CDH4: variants seen among roughly 807,000 people sequenced by gnomAD.
CDH4 encodes cadherin-4.
A neutral mutation model predicts 86.0 loss-of-function variants in CDH4; 33 were observed. That is an observed-to-expected ratio of 0.38 (90% CI 0.29 to 0.51). The LOEUF (loss-of-function observed/expected upper bound fraction) is 0.51. Ranked by LOEUF, CDH4 falls within the 20% of genes least tolerant of loss-of-function variation. CDH4 has a pLI of 0.86. For missense variants in CDH4, 1,114 were observed against 1,307.4 expected (o/e 0.85, Z 2.28); for synonymous variants, 555 against 549.4 (o/e 1.01, Z -0.14).
intron 2 of CDH4, chr20:61,499,308 G>C (rs1447759882): frequency 2.2e-6 from 1 of 458,426 alleles, no homozygotes; most frequent in Non-Finnish European, 3.9e-6. Context: ...GCTCACTCTG[G>C]CCAGGTACTT....
At chr20:61,585,997 A>ATTGTGATGGTGATGGTGATTG (rs72148665) in intron 2 of CDH4, among the ~76,000 whole-genome samples, 49 of 136,922 alleles carry the variant, frequency 3.6e-4, no homozygotes, top group African/African-American at 1.3e-3. Flanking sequence ...GGTGATGATG[A>ATTGTGATGGTGATGGTGATTG]TGATGGTGAT....
At chr20:61,911,113 A>T (rs1054374796) in intron 9 of CDH4, among the ~76,000 whole-genome samples, 1 of 152,214 alleles carries the variant, frequency 6.6e-6, no homozygotes, top group African/African-American at 2.4e-5. Context: ...GACAGGTCTT[A>T]TGATGCTGTA....
intron 4 of CDH4, among the ~76,000 whole-genome samples, chr20:61,825,300 T>G (rs1981257495): frequency 1.3e-5 from 2 of 152,082 alleles, no homozygotes; most frequent in Non-Finnish European, 2.9e-5. Flanking sequence ...TTCCAGCTGC[T>G]TAGGAAGCTG....
chr20:61,720,766 TG>T (rs2088031365), intron 2 of CDH4, among the ~76,000 whole-genome samples: 1 of 152,044 alleles, frequency 6.6e-6, no homozygotes, highest in Non-Finnish European at 1.5e-5. Flanking sequence ...CTCTAAAAGC[TG>T]GGGATTGTAG....
rs1288305127 is a variant in CDH4 at position 61,773,038 on chromosome 20, C to T, written c.432C>T (p.Pro144=). 1 of 1,613,686 alleles carries T rather than the reference C, an allele frequency of 6.2e-7. No homozygotes were observed. ...GAAAGAAGGTCGTGGCTCTGGACCC[C>T]TCTCCGCCTCCGAAGGACACCCTGC... The part of the protein sequence containing the change: ...QKGKKVVALD[P]SPPPKDTLLP... The change falls in exon 4 of 16, where the codon CCC becomes CCT. Residue 144 remains proline (P), a synonymous_variant. Coordinates refer to ENST00000614565, the MANE Select transcript of CDH4 (RefSeq NM_001794.5).
chr20:61,700,699 C>T (rs1179071361), intron 2 of CDH4, among the ~76,000 whole-genome samples: 1 of 152,054 alleles, frequency 6.6e-6, no homozygotes, highest in East Asian at 1.9e-4. Flanking sequence ...TGGGGCCACA[C>T]ATCACCCTAT....
At chr20:61,524,074 C>T (rs2085892794) in intron 2 of CDH4, among the ~76,000 whole-genome samples, 1 of 152,204 alleles carries the variant, frequency 6.6e-6, no homozygotes, top group Admixed American at 6.5e-5. Flanking sequence ...TGTCTCTAAA[C>T]ATTTACCTGG....
intron 2 of CDH4, among the ~76,000 whole-genome samples, chr20:61,539,012 G>A (rs1256779478): frequency 6.6e-6 from 1 of 152,172 alleles, no homozygotes; most frequent in East Asian, 1.9e-4. Flanking sequence ...TCTGCCGCTG[G>A]AGGCAGGGGA....
At chr20:61,905,466 T>C (rs1398720955) in intron 8 of CDH4, among the ~76,000 whole-genome samples, 2 of 152,092 alleles carry the variant, frequency 1.3e-5, no homozygotes, top group South Asian at 2.1e-4. Context: ...CACCTGGCCA[T>C]GTAAGCAGAG....
intron 6 of CDH4, among the ~76,000 whole-genome samples, 182 bp downstream of exon 6, chr20:61,853,080 C>A (rs778530846): frequency 6.6e-6 from 1 of 152,168 alleles, no homozygotes; most frequent in Non-Finnish European, 1.5e-5. Context: ...GCCTTGGGGT[C>A]AAGGGGGTTG....
At chr20:61,387,198 A>G (rs2145458944) in intron 2 of CDH4, among the ~76,000 whole-genome samples, 1 of 152,190 alleles carries the variant, frequency 6.6e-6, no homozygotes, top group East Asian at 1.9e-4. Flanking sequence ...ACACACACAC[A>G]CAAACCCACA....
intron 3 of CDH4, among the ~76,000 whole-genome samples, chr20:61,745,864 T>C (rs1322539598): frequency 6.6e-6 from 1 of 152,134 alleles, no homozygotes; most frequent in Non-Finnish European, 1.5e-5. Context: ...TAATTGAAAA[T>C]ATAATGACAC....
intron 4 of CDH4, among the ~76,000 whole-genome samples, 193 bp downstream of exon 4, chr20:61,773,375 G>C (rs948587797): frequency 2.6e-5 from 4 of 152,222 alleles, no homozygotes; most frequent in African/African-American, 9.6e-5. Context: ...CCTCCGCGGT[G>C]GATGGGCCTT....
intron 7 of CDH4, among the ~76,000 whole-genome samples, chr20:61,880,927 A>G (rs1034231310): frequency 3.7e-4 from 57 of 152,332 alleles, no homozygotes; most frequent in Middle Eastern, 3.4e-3. Context: ...CCAGGAGGGC[A>G]ATAACAGCGG....
intron 2 of CDH4, among the ~76,000 whole-genome samples, chr20:61,567,381 A>G (rs759717157): frequency 6.6e-6 from 1 of 152,190 alleles, no homozygotes; most frequent in Non-Finnish European, 1.5e-5. Flanking sequence ...CAGCAGATTC[A>G]GTGTGGGGTG....
chr20:61,794,779 C>T (rs1979437605), intron 4 of CDH4, among the ~76,000 whole-genome samples: 1 of 152,170 alleles, frequency 6.6e-6, no homozygotes, highest in Non-Finnish European at 1.5e-5. Flanking sequence ...CACACAGTCC[C>T]GCAAGTGGGT....
intron 2 of CDH4, among the ~76,000 whole-genome samples, chr20:61,611,353 C>T (rs548944218): frequency 6.6e-6 from 1 of 152,208 alleles, no homozygotes; most frequent in East Asian, 1.9e-4. Flanking sequence ...TAGAGACGCT[C>T]CTAACACTTG....
chr20:61,345,886 G>A (rs1301972679), intron 2 of CDH4, among the ~76,000 whole-genome samples: 1 of 152,228 alleles, frequency 6.6e-6, no homozygotes, highest in African/African-American at 2.4e-5. Context: ...TCCTTAGGGT[G>A]CCCTGTCAGC....
intron 6 of CDH4, among the ~76,000 whole-genome samples, chr20:61,865,309 A>T (rs1267965964): frequency 6.6e-6 from 1 of 152,002 alleles, no homozygotes; most frequent in Non-Finnish European, 1.5e-5. Context: ...GGAATGGTTT[A>T]TGCAGGTGAT....
Sources: gnomAD v4.1 joint callset for allele counts (sites outside exome capture counted in the v4.1 genomes callset) on GRCh38, gnomAD v4.1.1 for gene constraint, MANE v1.5 for transcripts, NCBI Gene and HGNC (gene_info 2026-07-23, HGNC 2026-07-21) for gene names.